Variants in MYLK2 observed in about 807,000 individuals in gnomAD.
MYLK2 encodes myosin light chain kinase 2, skeletal/cardiac muscle.
MYLK2 carries 27 observed loss-of-function variants against 58.2 expected under a neutral mutation model. The observed-to-expected ratio is 0.46, with a 90% confidence interval of 0.34 to 0.64. MYLK2 has a LOEUF of 0.64. Among genes scored for constraint, MYLK2 ranks in the 30% least tolerant of loss-of-function variants. The pLI, the probability that MYLK2 is intolerant of heterozygous loss-of-function variation, is 0.01. For synonymous variants in MYLK2, 310 were observed against 296.7 expected, an observed-to-expected ratio of 1.04 and a Z score of -0.46; for missense variants, 676 against 764.3, an observed-to-expected ratio of 0.88 and a Z score of 1.36.
rs754890310 is a variant in MYLK2, at chr20:31,831,836, C to G, written c.1558C>G (p.Leu520Val). Residue 520 changes from leucine (L) to valine (V), a missense_variant, in exon 11 of 13, where the codon CTC becomes GTC. Leu to Val is a conservative substitution (Grantham distance 32). Transcript: ENST00000375985. ...CGAGGCCAAAGACTTTGTCTCCAACCTCATCGTCAAGGACCAGAGGTGAGG... is the reference window on the plus strand; with the variant it reads ...CGAGGCCAAAGACTTTGTCTCCAACGTCATCGTCAAGGACCAGAGGTGAGG... ...SDEAKDFVSN[L>V]IVKDQRARMN... 9 of 1,614,188 alleles carry G rather than the reference C, an allele frequency of 5.6e-6. No homozygotes were observed. Among genetic ancestry groups the G allele is most frequent in the South Asian group, 1.1e-5 (1 of 91,074 alleles).
intron 4 of MYLK2, 152 bp from the exon 5 acceptor site, chr20:31,823,325 A>G: frequency 1.5e-6 from 1 of 683,712 alleles, no homozygotes. Flanking sequence ...ACTGGGCCCC[A>G]TAGCCCCTAT....
chr20:31,824,409 G>A, intron 6 of MYLK2, 57 bp downstream of exon 6: 7 of 1,567,748 alleles, frequency 4.5e-6, no homozygotes, highest in Non-Finnish European at 6.1e-6. Context: ...CCTTGGAGTG[G>A]GCACCTCTCG....
At chr20:31,829,061 C>T (rs1035624354) in intron 8 of MYLK2, among the ~76,000 whole-genome samples, 1 of 152,082 alleles carries the variant, frequency 6.6e-6, no homozygotes, top group Non-Finnish European at 1.5e-5. Flanking sequence ...AGTTACTGGA[C>T]AGATGGTGGC....
Position 31,828,678 on chromosome 20 carries a change from C to G in MYLK2, c.1224+1740C>G, listed in dbSNP as rs576760005. 3.3e-5 allele frequency: 33 copies of G among 985,444 alleles called. No homozygotes were observed. The South Asian group carries it at 1.3e-3, about 39-fold the overall frequency. 61.0% of individuals were successfully genotyped at this position (985,444 alleles called of 1,614,324 possible). A position where few individuals can be genotyped will look rare whatever the true frequency, so the allele number is the denominator to read the frequency against. ...GAAGTCAGCACGGGTCTGAAGCAGG[C>G]AGGGAGATGCTGTTGCCGCCTCTAA... On this transcript the variant is annotated intron_variant, in intron 8 of 12. Coordinates refer to ENST00000375985, the MANE Select transcript of MYLK2 (RefSeq NM_033118.4).
intron 12 of MYLK2, 150 bp downstream of exon 12, chr20:31,832,286 C>T (rs2062311154): frequency 1.7e-6 from 2 of 1,186,046 alleles, no homozygotes; most frequent in Admixed American, 4.0e-5. Context: ...TCTGTTTTTG[C>T]CCTGGGCTGG....
chr20:31,828,164 A>C, intron 8 of MYLK2: 1 of 985,220 alleles, frequency 1.0e-6, no homozygotes, highest in Non-Finnish European at 1.2e-6. Context: ...CTGGGATTAC[A>C]TGTGTGAGCC....
rs189608512 is a variant in MYLK2, at chr20:31,830,190, A to G, written c.1225-629A>G. 4.4e-4 allele frequency among the ~76,000 whole-genome samples: 67 copies of G among 152,288 alleles called. 2 individuals carry two copies. In the East Asian group the frequency reaches 8.3e-3, roughly 19 times the overall value. ...GGGAATGGATGGTAATAGTATCTCA[A>G]TGTCACAGTTTCATCTCAAGATAAC... On this transcript the variant is annotated intron_variant, in intron 8 of 12. Transcript: ENST00000375985.
chr20:31,831,181 G>T (rs369690015), intron 10 of MYLK2, 40 bp downstream of exon 10: 51 of 1,613,570 alleles, frequency 3.2e-5, no homozygotes, highest in Non-Finnish European at 3.9e-5. Flanking sequence ...GGTTGGTGGG[G>T]CATGGGGGCG....
At chr20:31,830,782 G>A in intron 8 of MYLK2, 37 bp from the exon 9 acceptor site, 1 of 1,607,012 alleles carries the variant, frequency 6.2e-7, no homozygotes, top group South Asian at 1.1e-5. Flanking sequence ...GGGTGAGCTG[G>A]TCAGAGGCCC....
In MYLK2 at chr20:31,826,154, C is replaced by T. The variant is rs115409663; in HGVS notation, c.973-451C>T. On this transcript the variant is annotated intron_variant, in intron 6 of 12. Transcript: ENST00000375985. ...GTGGGGAAGGGACGATGTCTAAGGT[C>T]TAATTTTGGACATGATAGATTTGAG... 5.2e-3 allele frequency among the ~76,000 whole-genome samples: 785 copies of T among 152,174 alleles called. 3 individuals carry two copies. Among genetic ancestry groups the T allele is most frequent in the African/African-American group, 0.018 (752 of 41,498 alleles).
Position 31,831,021 on chromosome 20 carries a change from C to T in MYLK2, c.1304C>T (p.Pro435Leu). ...CTTGGTCTCACCCCCAGGTATAACCCCAACGAGAAGCTGAAGGTGAACTTT... is the reference window on the plus strand; with the variant it reads ...CTTGGTCTCACCCCCAGGTATAACCTCAACGAGAAGCTGAAGGTGAACTTT... ...IDFGLARRYNPNEKLKVNFGT... is the reference protein window; with the variant it reads ...IDFGLARRYNLNEKLKVNFGT... Residue 435 changes from proline to leucine, a missense_variant, in exon 10 of 13, where the codon CCC becomes CTC. Transcript: ENST00000375985. 6.2e-7 allele frequency: 1 copy of T among 1,614,134 alleles called. No homozygotes were observed. The highest frequency in any genetic ancestry group is 1.3e-5 in the African/African-American group (1 of 75,026).
intron 4 of MYLK2, among the ~76,000 whole-genome samples, chr20:31,821,983 G>A (rs759785515): frequency 6.6e-6 from 1 of 152,214 alleles, no homozygotes; most frequent in Non-Finnish European, 1.5e-5. Context: ...CAAACTCCCA[G>A]CCTCAAGTGA....
At chr20:31,831,922 G>A (rs903954471) in intron 11 of MYLK2, 67 bp downstream of exon 11, 42 of 1,613,180 alleles carry the variant, frequency 2.6e-5, no homozygotes, top group South Asian at 7.7e-5. Context: ...CTGGCAGGGC[G>A]GGAGCCAGGT....
chr20:31,829,249 A>G (rs541395046), intron 8 of MYLK2, among the ~76,000 whole-genome samples: 1 of 152,148 alleles, frequency 6.6e-6, no homozygotes, highest in African/African-American at 2.4e-5. Flanking sequence ...TCAGGATAAT[A>G]ATACGTTTTT....
chr20:31,826,023 C>T (rs143355642), intron 6 of MYLK2, among the ~76,000 whole-genome samples: 111 of 152,074 alleles, frequency 7.3e-4, no homozygotes, highest in Admixed American at 2.0e-3. Flanking sequence ...TGTGAGGGCG[C>T]GAGAGTAAGG....
chr20:31,822,721 C>T (rs1031078166), intron 4 of MYLK2, among the ~76,000 whole-genome samples: 1 of 152,112 alleles, frequency 6.6e-6, no homozygotes, highest in East Asian at 1.9e-4. Flanking sequence ...CACCGTGCCA[C>T]CCAGACAGGG....
chr20:31,830,286 T>C (rs987443357), intron 8 of MYLK2, among the ~76,000 whole-genome samples: 2 of 152,096 alleles, frequency 1.3e-5, no homozygotes, highest in African/African-American at 4.8e-5. Context: ...CTGGGCCTGA[T>C]GTTTTGTAGC....
Position 31,831,134 on chromosome 20 carries a change from T to C in MYLK2, c.1417T>C (p.Tyr473His). 1 of 1,614,104 alleles carries C rather than the reference T, an allele frequency of 6.2e-7. No homozygotes were observed. Among genetic ancestry groups the C allele is most frequent in the Non-Finnish European group, 8.5e-7 (1 of 1,179,982 alleles). ...CATGTGGAGTATGGGGGTGATCACC[T>C]ACATGCTGTGAGCTCCCAGGCGGGT... ...TDMWSMGVIT[Y>H]MLLSGLSPFL... Residue 473 changes from tyrosine to histidine, a missense_variant, in exon 10 of 13, where the codon TAC (tyrosine) becomes CAC (histidine). By Grantham distance (83) the Tyr-to-His change is moderately conservative. Coordinates refer to ENST00000375985, the MANE Select transcript of MYLK2 (RefSeq NM_033118.4).
rs1365820612 is a variant in MYLK2, at chr20:31,821,149, CACA to C, written c.474-286_474-284del. On this transcript the variant is annotated intron_variant, in intron 3 of 12. Transcript: ENST00000375985. ...TTTGATAATTATGTATCAATTATATCACAACAGATTTTATGAATCAAGAGCTAC... is the reference window on the plus strand; with the variant it reads ...TTTGATAATTATGTATCAATTATATCACAGATTTTATGAATCAAGAGCTAC... 2.0e-5 allele frequency among the ~76,000 whole-genome samples: 3 copies of C among 152,266 alleles called. No individual in the cohort carries two copies. The East Asian group carries it at 5.8e-4, about 29-fold the overall frequency.
Sources: gnomAD v4.1 joint callset for allele counts (sites outside exome capture counted in the v4.1 genomes callset) on GRCh38, gnomAD v4.1.1 for gene constraint, MANE v1.5 for transcripts, NCBI Gene and HGNC (gene_info 2026-07-23, HGNC 2026-07-21) for gene names.